FSIP2: variants seen among roughly 807,000 people sequenced by gnomAD.
FSIP2 encodes fibrous sheath-interacting protein 2.
A neutral mutation model predicts 510.5 loss-of-function variants in FSIP2; 367 were observed. The ratio of observed to expected loss-of-function variants is 0.72; its 90% CI spans 0.66 to 0.78. The LOEUF is 0.78. Ranked by LOEUF, FSIP2 falls within the 30% of genes least tolerant of loss-of-function variation. The probability of loss-of-function intolerance (pLI) is 0.00; values close to 1 mark genes in which losing one functional copy is unlikely to be tolerated. For missense variants in FSIP2, 7,594 were observed against 7,901.7 expected (o/e 0.96, Z 1.48); for synonymous variants, 2,601 against 2,732.2 (o/e 0.95, Z 1.50).
At position 185,800,655 on chromosome 2, in the gene FSIP2, A is replaced by T; in HGVS notation, c.11349A>T (p.Thr3783=). ...FPDKGSVSEE[T]SAEECQLLKM... is the part of the protein sequence containing the mutation. Reference sequence around the variant, plus strand: ...ATAAAGGGTCTGTTTCAGAGGAAACATCAGCAGAAGAATGTCAACTTTTAA... The same window carrying T: ...ATAAAGGGTCTGTTTCAGAGGAAACTTCAGCAGAAGAATGTCAACTTTTAA... The change falls in exon 17 of 23, where the codon ACA becomes ACT. Residue 3783 remains threonine, a synonymous_variant. Transcript: ENST00000424728. The T allele has an allele frequency of 6.5e-7, 1 of 1,534,222 alleles. No individual in the cohort carries two copies. Among genetic ancestry groups the T allele is most frequent in the Non-Finnish European group, 8.7e-7 (1 of 1,145,686 alleles).
chr2:185,799,901 A>G lies in FSIP2; in HGVS notation c.10595A>G (p.Glu3532Gly). Residue 3532 changes from glutamate (E) to glycine (G), a missense_variant, in exon 17 of 23, where the codon GAA becomes GGA. Coordinates refer to ENST00000424728, the MANE Select transcript of FSIP2 (RefSeq NM_173651.4). ...REKEKAWEIQ[E>G]ATFSKIISIH... ...AAAGAGAAAGCATGGGAAATTCAAG[A>G]AGCAACATTTAGCAAGATTATTTCA... 6.5e-7 allele frequency: 1 copy of G among 1,533,822 alleles called. No individual in the cohort carries two copies. The highest frequency in any genetic ancestry group is 8.7e-7 in the Non-Finnish European group (1 of 1,145,500).
At position 185,803,685 on chromosome 2, in the gene FSIP2, T is replaced by C. The variant is rs1693495370; in HGVS notation, c.14379T>C (p.His4793=). 1 of 1,532,192 alleles carries C rather than the reference T, an allele frequency of 6.5e-7. No homozygotes were observed. The highest frequency in any genetic ancestry group is 1.4e-5 in the African/African-American group (1 of 72,798). 94.9% of individuals were successfully genotyped at this position (1,532,192 alleles called of 1,614,324 possible). The change falls in exon 17 of 23, where the codon CAT becomes CAC. Residue 4793 remains histidine (H), a synonymous_variant. Transcript: ENST00000424728. ...ATACCACTATGTTATCACATAGTCA[T>C]TTGGAAAAAATAGTTACTCAGCTTA... ...TMYTTMLSHS[H]LEKIVTQLTS...
At chr2:185,737,454 G>GCAAA (rs377003513), upstream of FSIP2, among the ~76,000 whole-genome samples, 39 of 152,128 alleles carry the variant, frequency 2.6e-4, no homozygotes, top group Admixed American at 2.6e-3. Flanking sequence ...TGGCAATGGT[G>GCAAA]CAAACAAACA....
upstream of FSIP2, among the ~76,000 whole-genome samples, chr2:185,737,657 T>C (rs766834898): frequency 6.6e-6 from 1 of 152,148 alleles, no homozygotes; most frequent in Non-Finnish European, 1.5e-5. Flanking sequence ...GTCACTGAGA[T>C]AGGAAATGCA....
At chr2:185,774,277 G>A (rs1010497266) in intron 13 of FSIP2, among the ~76,000 whole-genome samples, 2 of 151,884 alleles carry the variant, frequency 1.3e-5, no homozygotes, top group Non-Finnish European at 2.9e-5. Context: ...TATTTTCCTG[G>A]TATTATTCTC....
chr2:185,831,972 T>A, intron 22 of FSIP2, 90 bp downstream of exon 22: 1 of 754,132 alleles, frequency 1.3e-6, no homozygotes, highest in South Asian at 1.5e-5. Flanking sequence ...TTCCTGGAAA[T>A]GAGTGGCTCT....
At position 185,793,264 on chromosome 2, in the gene FSIP2, A is replaced by G. The variant is rs1031087924; in HGVS notation, c.6128A>G (p.Asn2043Ser). Residue 2043 changes from asparagine to serine, a missense_variant, in exon 16 of 23, where the codon AAC becomes AGC. Coordinates refer to ENST00000424728, the MANE Select transcript of FSIP2 (RefSeq NM_173651.4). ...GAAAGTATTGCAAGTCAAATTGTTA[A>G]CGCATTGTTAGACATTATATCACGT... ...ISESIASQIV[N>S]ALLDIISRKG... 14 of 1,534,320 alleles carry G rather than the reference A, an allele frequency of 9.1e-6. No homozygotes were observed. Among genetic ancestry groups the G allele is most frequent in the African/African-American group, 1.4e-5 (1 of 73,028 alleles).
At chr2:185,738,474 G>C, upstream of FSIP2, 1 of 807,620 alleles carries the variant, frequency 1.2e-6, no homozygotes, top group South Asian at 1.8e-5. Flanking sequence ...GTCTATATGG[G>C]GGAAGATGTA....
Position 185,794,379 on chromosome 2 carries a change from G to A in FSIP2, c.7243G>A (p.Glu2415Lys), listed in dbSNP as rs1166879746. ...AAAGGAAATTTGTTTTAATTCAAAA[G>A]AAAATTCTAACTTTTCACAATTAGC... ...SVKEICFNSK[E>K]NSNFSQLALS... Residue 2415 changes from glutamate (E) to lysine (K), a missense_variant, in exon 16 of 23, where the codon GAA (glutamate) becomes AAA (lysine). Coordinates refer to ENST00000424728, the MANE Select transcript of FSIP2 (RefSeq NM_173651.4). 1 of 1,518,032 alleles carries A rather than the reference G, an allele frequency of 6.6e-7. No individual in the cohort carries two copies. The highest frequency in any genetic ancestry group is 1.4e-5 in the African/African-American group (1 of 71,854). The allele number at this position is 1,518,032 out of a possible 1,614,324, so 94.0% of individuals were successfully genotyped here.
rs1692968186 is a variant in FSIP2, at chr2:185,786,151, C to CTT, written c.1470-100_1470-99dup. 23 of 739,156 alleles carry CTT rather than the reference C, an allele frequency of 3.1e-5. 1 individual carries two copies. In the South Asian group the frequency reaches 4.1e-4, roughly 13 times the overall value. The allele number at this position is 739,156 out of a possible 1,614,324, so 45.8% of individuals were successfully genotyped here. On this transcript the variant is annotated intron_variant, in intron 14 of 22. Transcript: ENST00000424728. ...CATTTTGAATTTCTAGAGAAAAAATCTTAGATACAACAAAATGATTTCAAT... is the reference window on the plus strand; with the variant it reads ...CATTTTGAATTTCTAGAGAAAAAATCTTTTAGATACAACAAAATGATTTCAAT...
chr2:185,792,499 T>A lies in FSIP2; in HGVS notation c.5363T>A (p.Ile1788Asn), dbSNP rs975434106. 6.5e-7 allele frequency: 1 copy of A among 1,529,620 alleles called. No homozygotes were observed. The highest frequency in any genetic ancestry group is 8.8e-7 in the Non-Finnish European group (1 of 1,142,116). The allele number at this position is 1,529,620 out of a possible 1,614,324, so 94.8% of individuals were successfully genotyped here. ...ATTATAAGAAATATTTTGAATGAAATTTTTCAAAGTACTTTAATCAATCAA... is the reference window on the plus strand; with the variant it reads ...ATTATAAGAAATATTTTGAATGAAAATTTTCAAAGTACTTTAATCAATCAA... ...APIIRNILNEIFQSTLINQLN... is the reference protein window; with the variant it reads ...APIIRNILNENFQSTLINQLN... Residue 1788 changes from isoleucine (I) to asparagine (N), a missense_variant, in exon 16 of 23, where the codon ATT (isoleucine) becomes AAT (asparagine). Physicochemically the swap from Ile to Asn is moderately radical, Grantham distance 149. Coordinates refer to ENST00000424728, the MANE Select transcript of FSIP2 (RefSeq NM_173651.4).
chr2:185,793,131 T>G lies in FSIP2; in HGVS notation c.5995T>G (p.Leu1999Val). The change falls in exon 16 of 23, where the codon TTA becomes GTA. Residue 1999 changes from leucine (L) to valine (V), a missense_variant. Leu to Val is a conservative substitution (Grantham distance 32). Coordinates refer to ENST00000424728, the MANE Select transcript of FSIP2 (RefSeq NM_173651.4). The part of the protein sequence containing the change: ...TNLCQLSLSK[L>V]NTYALQVARR... ...CTTGTGCCAACTGTCTTTGTCTAAA[T>G]TAAATACTTATGCACTACAAGTGGC... 1 of 1,534,374 alleles carries G rather than the reference T, an allele frequency of 6.5e-7. No individual in the cohort carries two copies. Among genetic ancestry groups the G allele is most frequent in the Non-Finnish European group, 8.7e-7 (1 of 1,145,660 alleles).
At chr2:185,747,459 G>C in intron 7 of FSIP2, 36 bp downstream of exon 7, 1 of 1,194,852 alleles carries the variant, frequency 8.4e-7, no homozygotes, top group Non-Finnish European at 1.2e-6. Context: ...TGAGCTGTTC[G>C]AAGAGAAGAT....
rs1692337657 is a variant in FSIP2 at position 185,760,957 on chromosome 2, AC to A, written c.1079-30del. On this transcript the variant is annotated intron_variant, in intron 9 of 22. Transcript: ENST00000424728. ...CCTAAAGCTGTTAAAAAAAAAAAAA[AC>A]TATAGAGTTTCTCTCTCGTTTTCTT... is the stretch of plus-strand genomic sequence containing the variant. 9 of 835,008 alleles carry A rather than the reference AC, an allele frequency of 1.1e-5. No homozygotes were observed. The East Asian group carries it at 1.1e-4, about 10-fold the overall frequency. The allele number at this position is 835,008 out of a possible 1,614,324, so 51.7% of individuals were successfully genotyped here. A position where few individuals can be genotyped will look rare whatever the true frequency, so the allele number is the denominator to read the frequency against.
At chr2:185,786,651 G>A (rs1299693090) in intron 15 of FSIP2, among the ~76,000 whole-genome samples, 2 of 151,876 alleles carry the variant, frequency 1.3e-5, no homozygotes, top group Non-Finnish European at 2.9e-5. Flanking sequence ...GAACTCAGTA[G>A]TAGGTGAGTT....
intron 17 of FSIP2, among the ~76,000 whole-genome samples, chr2:185,811,845 T>A (rs1693737813): frequency 6.6e-6 from 1 of 152,096 alleles, no homozygotes; most frequent in Non-Finnish European, 1.5e-5. Flanking sequence ...GGTTTCTATG[T>A]GGTGTTAAGC....
At position 185,793,787 on chromosome 2, in the gene FSIP2, A is replaced by C. The variant is rs1693197706; in HGVS notation, c.6651A>C (p.Ser2217=). 3.3e-6 allele frequency: 5 copies of C among 1,532,564 alleles called. No individual in the cohort carries two copies. Among genetic ancestry groups the C allele is most frequent in the African/African-American group, 1.4e-5 (1 of 72,680 alleles). 94.9% of individuals were successfully genotyped at this position (1,532,564 alleles called of 1,614,324 possible). ...GAAAAACAGAGCGTTTTTCATATTC[A>C]AGAAATCAGAAATCAGCTTATGCTG... ...TERKTERFSY[S]RNQKSAYADD... is the part of the protein sequence containing the mutation. The change falls in exon 16 of 23, where the codon TCA becomes TCC. Residue 2217 remains serine, a synonymous_variant. Coordinates refer to ENST00000424728, the MANE Select transcript of FSIP2 (RefSeq NM_173651.4).
intron 21 of FSIP2, among the ~76,000 whole-genome samples, chr2:185,830,095 A>G (rs7557433): frequency 0.56 from 84,995 of 151,572 alleles, 24,066 homozygotes; most frequent in South Asian, 0.65. Context: ...GGTAGGATGT[A>G]TGATTTGAAC....
rs1456994097 is a variant in FSIP2, at chr2:185,789,351, G to A, written c.2215G>A (p.Glu739Lys). The change falls in exon 16 of 23, where the codon GAA (glutamate) becomes AAA (lysine). Residue 739 changes from glutamate to lysine, a missense_variant. Transcript: ENST00000424728. ...TGCTGAAGTTTTTGTTGAACAATGT[G>A]AACGTGAAAAAGAAATCTTGCTTTC... ...VTAEVFVEQC[E>K]REKEILLSNA... The A allele has an allele frequency of 6.5e-7, 1 of 1,534,796 alleles. No homozygotes were observed. The highest frequency in any genetic ancestry group is 2.0e-5 in the Admixed American group (1 of 50,850).
Sources: gnomAD v4.1 joint callset for allele counts (sites outside exome capture counted in the v4.1 genomes callset) on GRCh38, gnomAD v4.1.1 for gene constraint, MANE v1.5 for transcripts, NCBI Gene and HGNC (gene_info 2026-07-23, HGNC 2026-07-21) for gene names.